The following KANSL1 variants were observed in gnomAD, a reference collection of about 807,000 sequenced individuals.
KANSL1 encodes the protein KAT8 regulatory NSL complex subunit 1.
In KANSL1, 22 loss-of-function variants were observed where a neutral mutation model predicts 103.6. That is an observed-to-expected ratio of 0.21 (90% confidence interval 0.15 to 0.30). The LOEUF (loss-of-function observed/expected upper bound fraction) is 0.30, where lower values mean the gene tolerates loss of function less well. Among genes scored for constraint, KANSL1 ranks in the 10% least tolerant of loss-of-function variants. The pLI is 1.00. For synonymous variants in KANSL1, 600 were observed against 527.6 expected, an observed-to-expected ratio of 1.14 and a Z score of -1.88; for missense variants, 1,337 against 1,399.8, an observed-to-expected ratio of 0.96 and a Z score of 0.72.
At chr17:46,221,220 TCA>T (rs1422315319) in intron 1 of KANSL1, 1 of 152,052 alleles carries the variant, frequency 6.6e-6, no homozygotes, top group African/African-American at 2.4e-5. Flanking sequence ...TCACCATAGT[TCA>T]GTCTAGCACA....
chr17:46,114,829 A>G (rs914175364), intron 2 of KANSL1, among the ~76,000 whole-genome samples: 1 of 152,254 alleles, frequency 6.6e-6, no homozygotes, highest in Non-Finnish European at 1.5e-5. Context: ...AGACAAGTGT[A>G]TAACAGAAAT....
chr17:46,104,033 T>C lies in KANSL1; in HGVS notation c.1290-9332A>G, dbSNP rs542022397. ...ACAGAGTGAGACTCTGTCTCAAAAA[T>C]AAACAAACAAACAAACAACCTTTAG... On this transcript the variant is annotated intron_variant, in intron 2 of 14. Transcript: ENST00000432791. 1.1e-4 allele frequency among the ~76,000 whole-genome samples: 16 copies of C among 152,130 alleles called. No individual in the cohort carries two copies. The East Asian group carries it at 1.9e-3, about 18-fold the overall frequency.
chr17:46,199,694 A>T (rs1231460701), intron 1 of KANSL1, among the ~76,000 whole-genome samples: 2 of 152,244 alleles, frequency 1.3e-5, no homozygotes, highest in Non-Finnish European at 2.9e-5. Context: ...CCAATAATTC[A>T]TACAAAAGAA....
At chr17:46,213,763 T>C (rs1025539421) in intron 1 of KANSL1, among the ~76,000 whole-genome samples, 1 of 151,528 alleles carries the variant, frequency 6.6e-6, no homozygotes, top group Non-Finnish European at 1.5e-5. Flanking sequence ...ACTAAAAATA[T>C]AACAATCAGC....
intron 2 of KANSL1, among the ~76,000 whole-genome samples, chr17:46,157,590 A>G (rs1597829920): frequency 6.6e-6 from 1 of 152,256 alleles, no homozygotes; most frequent in Non-Finnish European, 1.5e-5. Context: ...CCTGCTTACT[A>G]TCAAGTTATC....
intron 2 of KANSL1, among the ~76,000 whole-genome samples, chr17:46,108,336 T>C (rs538929177): frequency 1.4e-4 from 21 of 152,286 alleles, no homozygotes; most frequent in African/African-American, 4.8e-4. Flanking sequence ...ACCTTTTATT[T>C]GCTATTCCTA....
At chr17:46,106,993 A>G (rs540385709) in intron 2 of KANSL1, among the ~76,000 whole-genome samples, 12 of 152,352 alleles carry the variant, frequency 7.9e-5, no homozygotes, top group African/African-American at 2.6e-4. Context: ...TAGAAAAGGG[A>G]AGGCAAACTA....
intron 6 of KANSL1, among the ~76,000 whole-genome samples, chr17:46,052,963 C>CAAAAAAAAAAAAAAAAAAA (rs2077769956): frequency 2.3e-5 from 1 of 43,140 alleles, no homozygotes; most frequent in African/African-American, 1.0e-4. Context: ...GATCCTGTCT[C>CAAAAAAAAAAAAAAAAAAA]CAAAAAAAAA....
chr17:46,095,247 G>A (rs538840384), intron 2 of KANSL1, among the ~76,000 whole-genome samples: 160 of 152,222 alleles, frequency 1.1e-3, no homozygotes, highest in Non-Finnish European at 1.3e-3. Context: ...TTTTTAGGAT[G>A]GCGATTCTCA....
Position 46,050,548 on chromosome 17 carries a change from G to C in KANSL1, c.2005C>G (p.Leu669Val). 6.2e-7 allele frequency: 1 copy of C among 1,614,144 alleles called. No individual in the cohort carries two copies. Among genetic ancestry groups the C allele is most frequent in the Non-Finnish European group, 8.5e-7 (1 of 1,180,014 alleles). The stretch of plus-strand genomic sequence containing the variant: ...TCTTTCTTACCATCTGGAAATGCTA[G>C]AACAGGATGAACACAAGAGTCCAAC... ...SQLDSCVHPV[L>V]AFPDDVPTSL... Residue 669 changes from leucine to valine, a missense_variant, in exon 7 of 15, where the codon CTA becomes GTA. Around this residue, in one of 2 missense-constraint regions of KANSL1, gnomAD observed 780 missense variants for 923.4 expected, o/e 0.84. Transcript: ENST00000432791.
At chr17:46,038,868 T>A in intron 9 of KANSL1, 159 bp downstream of exon 9, 7 of 1,128,946 alleles carry the variant, frequency 6.2e-6, no homozygotes, top group Non-Finnish European at 7.6e-6. Flanking sequence ...GCTGTAGCAG[T>A]TAAGAAGTGA....
intron 2 of KANSL1, among the ~76,000 whole-genome samples, chr17:46,167,267 G>T (rs561501761): frequency 6.6e-6 from 1 of 151,802 alleles, no homozygotes; most frequent in Non-Finnish European, 1.5e-5. Context: ...AAACAAAATT[G>T]CAGGGAAAAA....
intron 1 of KANSL1, among the ~76,000 whole-genome samples, chr17:46,200,689 C>T (rs746928077): frequency 1.3e-5 from 2 of 152,040 alleles, no homozygotes; most frequent in African/African-American, 4.8e-5. Context: ...TTGCAGCGAG[C>T]GGAGATCACG....
At chr17:46,173,159 T>C (rs974085928) in intron 1 of KANSL1, among the ~76,000 whole-genome samples, 12 of 152,218 alleles carry the variant, frequency 7.9e-5, no homozygotes, top group Non-Finnish European at 1.6e-4. Flanking sequence ...CCTTGTACTA[T>C]CATCCTCTTC....
intron 11 of KANSL1, 33 bp downstream of exon 11, chr17:46,034,128 T>C (rs2077086061): frequency 5.6e-6 from 9 of 1,611,028 alleles, no homozygotes; most frequent in Non-Finnish European, 7.6e-6. Flanking sequence ...GCAGGAAGAA[T>C]GGGGAGAGGA....
chr17:46,031,830 TG>T, intron 14 of KANSL1, 127 bp from the exon 15 acceptor site: 1 of 1,053,634 alleles, frequency 9.5e-7, no homozygotes, highest in Non-Finnish European at 1.4e-6. Flanking sequence ...TGCGACAGTC[TG>T]GGAACACCCC....
chr17:46,066,384 C>G (rs1196658602), intron 6 of KANSL1, among the ~76,000 whole-genome samples, 153 bp downstream of exon 6: 1 of 152,174 alleles, frequency 6.6e-6, no homozygotes, highest in African/African-American at 2.4e-5. Flanking sequence ...AACTCCAGAG[C>G]AAACAGGGCC....
intron 7 of KANSL1, 155 bp downstream of exon 7, chr17:46,050,378 T>C (rs2077669803): frequency 1.5e-6 from 1 of 681,708 alleles, no homozygotes; most frequent in Non-Finnish European, 2.4e-6. Flanking sequence ...GTGGATCTGT[T>C]ACAGTCTTTT....
intron 2 of KANSL1, among the ~76,000 whole-genome samples, chr17:46,127,970 A>T (rs2043658481): frequency 6.6e-6 from 1 of 150,774 alleles, no homozygotes; most frequent in African/African-American, 2.4e-5. Context: ...AGATACCCAA[A>T]CACCCCTTCC....
Sources: gnomAD v4.1 joint callset for allele counts (sites outside exome capture counted in the v4.1 genomes callset) on GRCh38, gnomAD v4.1.1 for gene constraint, gnomAD v4.1.1 regional missense constraint, MANE v1.5 for transcripts, NCBI Gene and HGNC (gene_info 2026-07-23, HGNC 2026-07-21) for gene names.